CLVS1: variants seen among roughly 807,000 people sequenced by gnomAD.
The protein encoded by CLVS1 is clavesin 1, also known as clavesin-1.
Under a neutral mutation model 33.1 loss-of-function variants are expected in CLVS1, and 10 were observed. The observed-to-expected ratio is 0.30, with a 90% CI of 0.19 to 0.51. The LOEUF (loss-of-function observed/expected upper bound fraction) is 0.51, where lower values mean the gene tolerates loss of function less well. Among genes scored for constraint, CLVS1 ranks in the 20% least tolerant of loss-of-function variants. CLVS1 has a pLI of 0.97. For synonymous variants in CLVS1, 163 were observed against 166.1 expected (o/e 0.98, Z 0.14); for missense variants, 343 against 433.4 (o/e 0.79, Z 1.85).
intron 3 of CLVS1, among the ~76,000 whole-genome samples, chr8:61,394,616 G>T (rs915559018): frequency 2.0e-5 from 3 of 152,116 alleles, no homozygotes; most frequent in African/African-American, 7.2e-5. Context: ...GTTGGGGAAA[G>T]CCAGCGGTGA....
chr8:61,372,431 G>A (rs1813478129), intron 2 of CLVS1, among the ~76,000 whole-genome samples: 1 of 152,062 alleles, frequency 6.6e-6, no homozygotes, highest in Admixed American at 6.6e-5. Flanking sequence ...TTACAACAAT[G>A]TTAGATTTAC....
At chr8:61,115,649 T>C (rs1585620563) in intron 1 of CLVS1, among the ~76,000 whole-genome samples, 1 of 151,870 alleles carries the variant, frequency 6.6e-6, no homozygotes, top group South Asian at 2.1e-4. Flanking sequence ...CTTGCGATAG[T>C]GTACTGAGAA....
chr8:61,484,594 T>C (rs1292737746), intron 5 of CLVS1, among the ~76,000 whole-genome samples: 5 of 152,144 alleles, frequency 3.3e-5, no homozygotes, highest in South Asian at 2.1e-4. Context: ...AAAAAACTAC[T>C]TTAAAGTTCA....
chr8:61,210,561 G>A (rs1807950418), intron 2 of CLVS1, among the ~76,000 whole-genome samples: 1 of 152,216 alleles, frequency 6.6e-6, no homozygotes, highest in Non-Finnish European at 1.5e-5. Context: ...TAATGTGGTT[G>A]ACAATTAGCA....
the CLVS1 span, among the ~76,000 whole-genome samples, chr8:61,047,867 C>A: frequency 2.0e-5 from 3 of 152,040 alleles, no homozygotes; most frequent in African/African-American, 7.3e-5. Context: ...GGGTGCAGCA[C>A]ACCAGCATGG....
At chr8:61,187,789 TA>T (rs1366287446) in intron 2 of CLVS1, among the ~76,000 whole-genome samples, 2 of 149,788 alleles carry the variant, frequency 1.3e-5, no homozygotes, top group Non-Finnish European at 3.0e-5. Context: ...GATCTATGTA[TA>T]AAATCTTATA....
intron 2 of CLVS1, among the ~76,000 whole-genome samples, chr8:61,374,543 C>G (rs539983880): frequency 6.6e-6 from 1 of 152,126 alleles, no homozygotes; most frequent in Non-Finnish European, 1.5e-5. Context: ...AAAGCTGTAT[C>G]TCTGAAAAAG....
intron 2 of CLVS1, among the ~76,000 whole-genome samples, chr8:61,359,247 A>C (rs1220878790): frequency 6.6e-6 from 1 of 152,234 alleles, no homozygotes; most frequent in Non-Finnish European, 1.5e-5. Flanking sequence ...TTAAGTTTTC[A>C]GACCTTTTTA....
At chr8:61,416,292 A>G (rs1237453382) in intron 3 of CLVS1, among the ~76,000 whole-genome samples, 5 of 150,214 alleles carry the variant, frequency 3.3e-5, no homozygotes, top group Non-Finnish European at 7.4e-5. Context: ...ATAGCTAGCT[A>G]GCTAGCTAGC....
chr8:61,410,800 A>G (rs978121770), intron 3 of CLVS1, among the ~76,000 whole-genome samples: 2 of 151,720 alleles, frequency 1.3e-5, no homozygotes, highest in African/African-American at 4.8e-5. Context: ...AACCACCACA[A>G]CCAGCTGATT....
At chr8:60,974,570 TC>T in the CLVS1 span, among the ~76,000 whole-genome samples, 1 of 152,200 alleles carries the variant, frequency 6.6e-6, no homozygotes, top group East Asian at 1.9e-4. Context: ...TTAGTATGAC[TC>T]TCTGATTCTT....
chr8:61,024,994 T>C, the CLVS1 span, among the ~76,000 whole-genome samples: 75,428 of 151,820 alleles, frequency 0.5, 21,355 homozygotes, highest in African/African-American at 0.78. Flanking sequence ...ATTAGAGGTA[T>C]GTGCCACCAC....
chr8:60,965,300 G>C, the CLVS1 span: 2 of 152,326 alleles, frequency 1.3e-5, no homozygotes, highest in Non-Finnish European at 2.9e-5. Context: ...TCAAAGGAGG[G>C]AAGTGAGGGG....
chr8:61,199,150 T>C (rs1466659261), intron 2 of CLVS1, among the ~76,000 whole-genome samples: 1 of 152,138 alleles, frequency 6.6e-6, no homozygotes, highest in Non-Finnish European at 1.5e-5. Flanking sequence ...TCATACTGTT[T>C]TCCACATTGA....
chr8:61,450,924 A>G (rs143424270), intron 3 of CLVS1, among the ~76,000 whole-genome samples: 32 of 152,318 alleles, frequency 2.1e-4, no homozygotes, highest in African/African-American at 6.3e-4. Flanking sequence ...CCTTTAAAAT[A>G]CGGCAGATGA....
intron 2 of CLVS1, among the ~76,000 whole-genome samples, chr8:61,327,323 A>T (rs1811421460): frequency 6.6e-6 from 1 of 152,188 alleles, no homozygotes; most frequent in African/African-American, 2.4e-5. Flanking sequence ...TAGTGTTCTA[A>T]TTGTCATGAT....
chr8:61,247,562 T>C (rs1808842389), intron 2 of CLVS1, among the ~76,000 whole-genome samples: 1 of 152,206 alleles, frequency 6.6e-6, no homozygotes, highest in Non-Finnish European at 1.5e-5. Context: ...GCTATTGAGC[T>C]TTTTAAATAT....
chr8:61,405,567 A>T (rs1054808322), intron 3 of CLVS1, among the ~76,000 whole-genome samples: 1 of 152,202 alleles, frequency 6.6e-6, no homozygotes, highest in African/African-American at 2.4e-5. Flanking sequence ...TGAGCTCAGA[A>T]GTTTGAGACC....
At chr8:61,190,739 T>A (rs1807453778) in intron 2 of CLVS1, among the ~76,000 whole-genome samples, 1 of 152,112 alleles carries the variant, frequency 6.6e-6, no homozygotes, top group Admixed American at 6.6e-5. Flanking sequence ...GATAATACTA[T>A]AAAGCCCTCT....
Sources: gnomAD v4.1 joint callset for allele counts (sites outside exome capture counted in the v4.1 genomes callset) on GRCh38, gnomAD v4.1.1 for gene constraint, MANE v1.5 for transcripts, NCBI Gene and HGNC (gene_info 2026-07-23, HGNC 2026-07-21) for gene names.